TSSC4: variants seen among roughly 807,000 people sequenced by gnomAD.
The protein encoded by TSSC4 is tumor suppressing subtransferable candidate 4.
For missense variants in TSSC4, 500 were observed against 443.9 expected, an observed-to-expected ratio of 1.13 and a Z score of -1.14; for synonymous variants, 259 against 197.9, an observed-to-expected ratio of 1.31 and a Z score of -2.59.
chr11:2,403,215 C>T lies in TSSC4; in HGVS notation c.582C>T (p.Pro194=), dbSNP rs149800481. 1 of 1,612,834 alleles carries T rather than the reference C, an allele frequency of 6.2e-7. No individual in the cohort carries two copies. The highest frequency in any genetic ancestry group is 8.5e-7 in the Non-Finnish European group (1 of 1,179,936). ...AFLGSQSLAA[P]TDCVSSFNQD... is the part of the protein sequence containing the mutation. Reference sequence around the variant, plus strand: ...TGGGCTCCCAGAGCCTGGCTGCCCCCACTGACTGCGTGTCCTCCTTCAACC... The same window carrying T: ...TGGGCTCCCAGAGCCTGGCTGCCCCTACTGACTGCGTGTCCTCCTTCAACC... Residue 194 remains proline (P), a synonymous_variant, in exon 3 of 3, where the codon CCC becomes CCT. Transcript: ENST00000333256.
Position 2,403,074 on chromosome 11 carries a change from A to C in TSSC4, c.441A>C (p.Pro147=). Residue 147 remains proline, a synonymous_variant, in exon 3 of 3, where the codon CCA becomes CCC. Coordinates refer to ENST00000333256, the MANE Select transcript of TSSC4 (RefSeq NM_005706.4). ...LGRAHRSPAS[P]RVPPVPDYVA... is the part of the protein sequence containing the mutation. ...GGGCCCATCGGAGCCCTGCCTCACC[A>C]AGGGTGCCTCCGGTCCCCGACTACG... 6.2e-7 allele frequency: 1 copy of C among 1,611,042 alleles called. No individual in the cohort carries two copies. Among genetic ancestry groups the C allele is most frequent in the Non-Finnish European group, 8.5e-7 (1 of 1,179,324 alleles).
At position 2,403,430 on chromosome 11, in the gene TSSC4, CAGAGGCT is replaced by C; in HGVS notation, c.798_804del (p.Glu267ArgfsTer146). 6.3e-7 allele frequency: 1 copy of C among 1,593,396 alleles called. No homozygotes were observed. Among genetic ancestry groups the C allele is most frequent in the Non-Finnish European group, 8.6e-7 (1 of 1,168,840 alleles). ...GCCCATCTGGCCGGGCCCGGGAGCC[CAGAGGCT>C]GAGGAGTGGGGCAGCCACCATGGAG... On this transcript the variant is annotated frameshift_variant, in exon 3 of 3. Transcript: ENST00000333256. LOFTEE classifies it low-confidence loss of function (END_TRUNC).
chr11:2,401,149 T>C (rs969955421), intron 1 of TSSC4: 1 of 152,198 alleles, frequency 6.6e-6, no homozygotes, highest in Non-Finnish European at 1.5e-5. Flanking sequence ...AACTCTACCT[T>C]CCACTCGTTG....
At chr11:2,401,546 C>T (rs1040457735) in intron 1 of TSSC4, 13 of 152,386 alleles carry the variant, frequency 8.5e-5, no homozygotes, top group African/African-American at 2.9e-4. Flanking sequence ...CCCCTGACCC[C>T]ATCCTTATTG....
At chr11:2,401,500 C>G (rs1850144015) in intron 1 of TSSC4, 1 of 152,296 alleles carries the variant, frequency 6.6e-6, no homozygotes, top group African/African-American at 2.4e-5. Context: ...TGCCTGTGTT[C>G]GACCTGGTGG....
chr11:2,403,177 G>A lies in TSSC4; in HGVS notation c.544G>A (p.Ala182Thr). 6 of 1,612,474 alleles carry A rather than the reference G, an allele frequency of 3.7e-6. No individual in the cohort carries two copies. Among genetic ancestry groups the A allele is most frequent in the Non-Finnish European group, 5.1e-6 (6 of 1,179,764 alleles). ...CAGCGAGCAGAGCAATCAGGCCACCGCCCTGGCCTTCCTGGGCTCCCAGAG... is the reference window on the plus strand; with the variant it reads ...CAGCGAGCAGAGCAATCAGGCCACCACCCTGGCCTTCCTGGGCTCCCAGAG... ...EVSEQSNQAT[A>T]LAFLGSQSLA... The change falls in exon 3 of 3, where the codon GCC (alanine) becomes ACC (threonine). Residue 182 changes from alanine to threonine, a missense_variant. Physicochemically the swap from Ala to Thr is moderately conservative, Grantham distance 58. Coordinates refer to ENST00000333256, the MANE Select transcript of TSSC4 (RefSeq NM_005706.4).
chr11:2,401,654 G>C (rs1236248873), intron 1 of TSSC4, among the ~76,000 whole-genome samples: 1 of 152,178 alleles, frequency 6.6e-6, no homozygotes, highest in Admixed American at 6.5e-5. Flanking sequence ...GAAGGGTGTG[G>C]CTGGGCCGTC....
rs757897660 is a variant in TSSC4, at chr11:2,403,048, A to G, written c.415A>G (p.Arg139Gly). 12 of 1,608,988 alleles carry G rather than the reference A, an allele frequency of 7.5e-6. No homozygotes were observed. In the African/African-American group the frequency reaches 1.6e-4, roughly 22 times the overall value. ...CCGGTCTCCAGTGGAAGGCCTGGGCAGGGCCCATCGGAGCCCTGCCTCACC... is the reference window on the plus strand; with the variant it reads ...CCGGTCTCCAGTGGAAGGCCTGGGCGGGGCCCATCGGAGCCCTGCCTCACC... ...SGRSPVEGLG[R>G]AHRSPASPRV... Residue 139 changes from arginine to glycine, a missense_variant, in exon 3 of 3, where the codon AGG (arginine) becomes GGG (glycine). Transcript: ENST00000333256.
Position 2,403,227 on chromosome 11 carries a change from GTCC to G in TSSC4, c.599_601del (p.Ser200del), listed in dbSNP as rs1850218649. 6.2e-7 allele frequency: 1 copy of G among 1,612,758 alleles called. No homozygotes were observed. The highest frequency in any genetic ancestry group is 1.1e-5 in the South Asian group (1 of 91,026). On this transcript the variant is annotated inframe_deletion, in exon 3 of 3. Transcript: ENST00000333256. Reference sequence around the variant, plus strand: ...GCCTGGCTGCCCCCACTGACTGCGTGTCCTCCTTCAACCAGGATCCCTCCAGCT... The same window carrying G: ...GCCTGGCTGCCCCCACTGACTGCGTGTCCTTCAACCAGGATCCCTCCAGCT...
rs780234267 is a variant in TSSC4, at chr11:2,402,669, C to A, written c.36C>A (p.Ser12Arg). 1.3e-5 allele frequency: 20 copies of A among 1,593,158 alleles called. No homozygotes were observed. Residue 12 changes from serine to arginine, a missense_variant, in exon 3 of 3, where the codon AGC becomes AGA. Physicochemically the swap from Ser to Arg is moderately radical, Grantham distance 110 (BLOSUM62 -1). Coordinates refer to ENST00000333256, the MANE Select transcript of TSSC4 (RefSeq NM_005706.4). ...AEAGTGEPSP[S>R]VEGEHGTEYD... ...CAGGAACAGGTGAGCCGTCCCCCAG[C>A]GTGGAGGGCGAACACGGGACGGAGT... is the stretch of plus-strand genomic sequence containing the variant.
In TSSC4 at chr11:2,403,160, A is replaced by G; in HGVS notation, c.527A>G (p.Gln176Arg). 6.2e-7 allele frequency: 1 copy of G among 1,612,228 alleles called. No individual in the cohort carries two copies. ...GAAGATGTGACCGAGGTCAGCGAGC[A>G]GAGCAATCAGGCCACCGCCCTGGCC... ...SLEDVTEVSE[Q>R]SNQATALAFL... Residue 176 changes from glutamine to arginine, a missense_variant, in exon 3 of 3, where the codon CAG becomes CGG. Transcript: ENST00000333256.
Position 2,403,710 on chromosome 11 carries a change from G to T in TSSC4, c.*87G>T. 7.4e-7 allele frequency: 1 copy of T among 1,347,812 alleles called. No individual in the cohort carries two copies. The allele number at this position is 1,347,812 out of a possible 1,614,324, so 83.5% of individuals were successfully genotyped here. On this transcript the variant is annotated 3_prime_UTR_variant, in exon 3 of 3. Transcript: ENST00000333256. The stretch of plus-strand genomic sequence containing the variant: ...CTGGTCAGGGGGCAGCCTGGCCACT[G>T]CCTAGCTGGAATGGGAGGAAGCCTG...
chr11:2,400,797 C>G lies in TSSC4; in HGVS notation c.-182C>G, dbSNP rs1001291336. The G allele has an allele frequency of 6.6e-6, 1 of 151,886 alleles. No homozygotes were observed. The highest frequency in any genetic ancestry group is 2.1e-4 in the South Asian group (1 of 4,790). The allele number at this position is 151,886 out of a possible 1,614,324, so 9.4% of individuals were successfully genotyped here. On this transcript the variant is annotated splice_region_variant and 5_prime_UTR_variant, in exon 1 of 3. Transcript: ENST00000333256. ...TGGAGACTGCCGAGCAGCCTTGAGCCGGTAGGTTTGTGGTGAGGGAGGACG... is the reference window on the plus strand; with the variant it reads ...TGGAGACTGCCGAGCAGCCTTGAGCGGGTAGGTTTGTGGTGAGGGAGGACG...
chr11:2,401,544 C>G (rs1333884021), intron 1 of TSSC4: 1 of 152,346 alleles, frequency 6.6e-6, no homozygotes, highest in Admixed American at 6.5e-5. Context: ...TACCCCTGAC[C>G]CCATCCTTAT....
rs1427527365 is a variant in TSSC4, at chr11:2,402,976, A to G, written c.343A>G (p.Ser115Gly). 1 of 1,609,806 alleles carries G rather than the reference A, an allele frequency of 6.2e-7. No individual in the cohort carries two copies. Among genetic ancestry groups the G allele is most frequent in the Admixed American group, 1.7e-5 (1 of 59,778 alleles). Residue 115 changes from serine (S) to glycine (G), a missense_variant, in exon 3 of 3, where the codon AGC (serine) becomes GGC (glycine). By Grantham distance (56) the Ser-to-Gly change is moderately conservative (BLOSUM62 0). Coordinates refer to ENST00000333256, the MANE Select transcript of TSSC4 (RefSeq NM_005706.4). ...RRAPSSVAHTSMSDNGGFKRP... is the reference protein window; with the variant it reads ...RRAPSSVAHTGMSDNGGFKRP... ...GGCTCCATCCTCTGTGGCCCACACC[A>G]GCATGAGTGACAACGGAGGCTTCAA... is the stretch of plus-strand genomic sequence containing the variant.
Position 2,403,374 on chromosome 11 carries a change from C to T in TSSC4, c.741C>T (p.Ala247=), listed in dbSNP as rs1850230264. 1.2e-6 allele frequency: 2 copies of T among 1,610,544 alleles called. No individual in the cohort carries two copies. Among genetic ancestry groups the T allele is most frequent in the African/African-American group, 2.7e-5 (2 of 75,024 alleles). ...GCAGGGGCGGCCTTGGGAATCCTGCCACAGACAGGGGCGAGGGCCCTGTGG... is the reference window on the plus strand; with the variant it reads ...GCAGGGGCGGCCTTGGGAATCCTGCTACAGACAGGGGCGAGGGCCCTGTGG... ...EPGRGGLGNP[A]TDRGEGPVEL... The change falls in exon 3 of 3, where the codon GCC becomes GCT. Residue 247 remains alanine, a synonymous_variant. Coordinates refer to ENST00000333256, the MANE Select transcript of TSSC4 (RefSeq NM_005706.4).
rs1850122790 is a variant in TSSC4 at position 2,400,818 on chromosome 11, G to T, written c.-181+20G>T. 2.6e-5 allele frequency: 4 copies of T among 152,250 alleles called. No individual in the cohort carries two copies. In the South Asian group the frequency reaches 8.3e-4, roughly 32 times the overall value. 9.4% of individuals were successfully genotyped at this position (152,250 alleles called of 1,614,324 possible). ...GAGCCGGTAGGTTTGTGGTGAGGGA[G>T]GACGGGCCGCGCGGGCCGGCCGAGC... On this transcript the variant is annotated intron_variant, in intron 1 of 2. Transcript: ENST00000333256.
In TSSC4 at chr11:2,402,929, G is replaced by A; in HGVS notation, c.296G>A (p.Cys99Tyr). Residue 99 changes from cysteine to tyrosine, a missense_variant, in exon 3 of 3, where the codon TGC becomes TAC. Physicochemically the swap from Cys to Tyr is radical, Grantham distance 194 (BLOSUM62 -2). Transcript: ENST00000333256. The part of the protein sequence containing the change: ...FSQRSRDIFD[C>Y]LEGAARRAPS... ...CAGCGCAGCCGTGACATCTTTGACT[G>A]CCTGGAGGGGGCGGCCAGACGGGCT... is the stretch of plus-strand genomic sequence containing the variant. 1 of 1,611,924 alleles carries A rather than the reference G, an allele frequency of 6.2e-7. No individual in the cohort carries two copies. Among genetic ancestry groups the A allele is most frequent in the Non-Finnish European group, 8.5e-7 (1 of 1,179,634 alleles).
chr11:2,403,702 T>C lies in TSSC4; in HGVS notation c.*79T>C, dbSNP rs1850251665. On this transcript the variant is annotated 3_prime_UTR_variant, in exon 3 of 3. Transcript: ENST00000333256. ...CAGTGGGGCTGGTCAGGGGGCAGCC[T>C]GGCCACTGCCTAGCTGGAATGGGAG... 9 of 1,372,724 alleles carry C rather than the reference T, an allele frequency of 6.6e-6. No homozygotes were observed. The highest frequency in any genetic ancestry group is 8.6e-6 in the Non-Finnish European group (9 of 1,043,846). The allele number at this position is 1,372,724 out of a possible 1,614,324, so 85.0% of individuals were successfully genotyped here. A position where few individuals can be genotyped will look rare whatever the true frequency, so the allele number is the denominator to read the frequency against.
Sources: gnomAD v4.1 joint callset for allele counts (sites outside exome capture counted in the v4.1 genomes callset) on GRCh38, gnomAD v4.1.1 for gene constraint, MANE v1.5 for transcripts, NCBI Gene and HGNC (gene_info 2026-07-23, HGNC 2026-07-21) for gene names.